The following FRMD4B variants were observed in gnomAD, a reference collection of about 807,000 sequenced individuals.
FRMD4B encodes the protein FERM domain containing 4B, also known as FERM domain-containing protein 4B.
In FRMD4B, 74 loss-of-function variants were observed where a neutral mutation model predicts 141.5. The observed-to-expected ratio is 0.52, with a 90% CI of 0.43 to 0.63. The LOEUF (loss-of-function observed/expected upper bound fraction) is 0.63, where lower values mean the gene tolerates loss of function less well. Among genes scored for constraint, FRMD4B ranks in the 30% least tolerant of loss-of-function variants. The pLI is 0.00. For synonymous variants in FRMD4B, 506 were observed against 467.9 expected (o/e 1.08, Z -1.05); for missense variants, 1,366 against 1,253.4 (o/e 1.09, Z -1.36).
intron 2 of FRMD4B, among the ~76,000 whole-genome samples, chr3:69,418,999 A>G (rs1704923723): frequency 6.6e-6 from 1 of 152,196 alleles, no homozygotes; most frequent in Non-Finnish European, 1.5e-5. Flanking sequence ...AAGCACAGAT[A>G]ACCAAAATGA....
intron 5 of FRMD4B, among the ~76,000 whole-genome samples, chr3:69,267,622 TATATATATATATATAGAGAGAG>T (rs2093571528): frequency 3.1e-3 from 75 of 24,272 alleles, no homozygotes; most frequent in Non-Finnish European, 5.0e-3. Context: ...TATATATATA[TATATATATATATATAGAGAGAG>T]AGAGAGAGAG....
chr3:69,195,217 A>C lies in FRMD4B; in HGVS notation c.1368+14T>G, dbSNP rs1268642717. On this transcript the variant is annotated intron_variant, in intron 15 of 22. Coordinates refer to ENST00000398540, the MANE Select transcript of FRMD4B (RefSeq NM_015123.3). Reference sequence around the variant, plus strand: ...GTCAAACACAACTTGATGAGCCCCAAAAAGCAGACTCACAGCCTCCCGCAG... The same window carrying C: ...GTCAAACACAACTTGATGAGCCCCACAAAGCAGACTCACAGCCTCCCGCAG... The C allele has an allele frequency of 6.2e-7, 1 of 1,612,890 alleles. No individual in the cohort carries two copies. The highest frequency in any genetic ancestry group is 8.5e-7 in the Non-Finnish European group (1 of 1,179,600).
intron 1 of FRMD4B, among the ~76,000 whole-genome samples, chr3:69,505,673 A>C (rs1009267573): frequency 6.6e-6 from 1 of 152,224 alleles, no homozygotes; most frequent in Non-Finnish European, 1.5e-5. Flanking sequence ...CATTAGGCTC[A>C]TAATCTTATT....
intron 1 of FRMD4B, among the ~76,000 whole-genome samples, chr3:69,465,496 T>G (rs548606379): frequency 6.6e-6 from 1 of 152,178 alleles, no homozygotes; most frequent in East Asian, 1.9e-4. Flanking sequence ...ACCCATCGAC[T>G]CATCATTTAC....
At chr3:69,266,927 C>T (rs568131219) in intron 5 of FRMD4B, among the ~76,000 whole-genome samples, 3 of 152,334 alleles carry the variant, frequency 2.0e-5, no homozygotes, top group Admixed American at 1.3e-4. Flanking sequence ...GACAGACTAA[C>T]ATTGCATACC....
Position 69,181,286 on chromosome 3 carries a change from C to G in FRMD4B, c.2464G>C (p.Gly822Arg). Residue 822 changes from glycine (G) to arginine (R), a missense_variant, in exon 21 of 23, where the codon GGT becomes CGT. Coordinates refer to ENST00000398540, the MANE Select transcript of FRMD4B (RefSeq NM_015123.3). ...YAECDFYYSG[G>R]YVYENDTEGQ... ...TCGGTGTCATTCTCATAGACATAAC[C>G]ACCACTGTAATAAAAGTCACACTCT... The G allele has an allele frequency of 6.2e-7, 1 of 1,613,808 alleles. No individual in the cohort carries two copies. The highest frequency in any genetic ancestry group is 8.5e-7 in the Non-Finnish European group (1 of 1,179,788).
Position 69,311,290 on chromosome 3 carries a change from T to C in FRMD4B, c.296A>G (p.Tyr99Cys), listed in dbSNP as rs1218873827. Residue 99 changes from tyrosine (Y) to cysteine (C), a missense_variant, in exon 3 of 23, where the codon TAT becomes TGT. Tyr to Cys is a radical substitution (Grantham distance 194, BLOSUM62 -2). Transcript: ENST00000398540. ...ASHFNLKEKEYFGITFIDDTG... is the reference protein window; with the variant it reads ...ASHFNLKEKECFGITFIDDTG... ...GTCATCTATGAATGTTATTCCAAAA[T>C]ACTCCTTTTCTTTCAGGTTGAAATG... 5 of 1,572,634 alleles carry C rather than the reference T, an allele frequency of 3.2e-6. No individual in the cohort carries two copies. In the Admixed American group the frequency reaches 5.0e-5, roughly 16 times the overall value.
intron 2 of FRMD4B, among the ~76,000 whole-genome samples, chr3:69,402,969 C>T (rs1022202864): frequency 1.3e-5 from 2 of 152,166 alleles, no homozygotes; most frequent in Non-Finnish European, 2.9e-5. Context: ...ATTAATCATT[C>T]AAACACAGAA....
chr3:69,368,267 C>T (rs1261162307), intron 1 of FRMD4B, among the ~76,000 whole-genome samples: 2 of 152,138 alleles, frequency 1.3e-5, no homozygotes, highest in African/African-American at 4.8e-5. Flanking sequence ...CAGTAAAGGA[C>T]GTGGGCCAGC....
At chr3:69,463,346 C>T (rs1429753412) in intron 1 of FRMD4B, among the ~76,000 whole-genome samples, 1 of 152,238 alleles carries the variant, frequency 6.6e-6, no homozygotes, top group South Asian at 2.1e-4. Flanking sequence ...GAGGACTTAC[C>T]TCTAACTTGG....
chr3:69,532,916 G>A (rs185526851), intron 1 of FRMD4B, among the ~76,000 whole-genome samples: 1 of 152,328 alleles, frequency 6.6e-6, no homozygotes, highest in African/African-American at 2.4e-5. Context: ...TTTTGAATCA[G>A]GAGGGGCTGT....
intron 1 of FRMD4B, among the ~76,000 whole-genome samples, chr3:69,369,724 A>G (rs2100074467): frequency 6.6e-6 from 1 of 151,474 alleles, no homozygotes; most frequent in Admixed American, 6.6e-5. Context: ...TAAGGAAGAA[A>G]TAGCTTCATA....
intron 5 of FRMD4B, among the ~76,000 whole-genome samples, chr3:69,252,731 G>C (rs78687212): frequency 6.6e-6 from 1 of 152,134 alleles, no homozygotes; most frequent in Admixed American, 6.6e-5. Context: ...TGGAAGTGCC[G>C]TCTGCCCAGG....
At chr3:69,478,114 G>A (rs2106969944) in intron 1 of FRMD4B, among the ~76,000 whole-genome samples, 1 of 152,000 alleles carries the variant, frequency 6.6e-6, no homozygotes, top group Middle Eastern at 3.4e-3. Context: ...TATTAGTCTT[G>A]CTAGCAGTCT....
intron 1 of FRMD4B, among the ~76,000 whole-genome samples, chr3:69,529,058 G>A (rs1379747123): frequency 2.6e-5 from 4 of 152,148 alleles, no homozygotes; most frequent in Non-Finnish European, 4.4e-5. Flanking sequence ...GCAGCGGGAA[G>A]TGAAGCTGGT....
chr3:69,438,603 C>G (rs567311666), intron 1 of FRMD4B, among the ~76,000 whole-genome samples: 201 of 152,204 alleles, frequency 1.3e-3, no homozygotes, highest in Non-Finnish European at 2.6e-3. Context: ...GCAGAGGATG[C>G]TACAAGGGGA....
At chr3:69,434,223 G>T (rs561754703) in intron 1 of FRMD4B, among the ~76,000 whole-genome samples, 1 of 152,258 alleles carries the variant, frequency 6.6e-6, no homozygotes, top group East Asian at 1.9e-4. Context: ...GATCACAAAG[G>T]CAGAAAAAAG....
chr3:69,172,643 T>C (rs535329789), intron 22 of FRMD4B, among the ~76,000 whole-genome samples: 1 of 152,336 alleles, frequency 6.6e-6, no homozygotes, highest in African/African-American at 2.4e-5. Context: ...TAGGGACATA[T>C]ATGATATCCC....
chr3:69,267,055 A>G (rs2093565659), intron 5 of FRMD4B, among the ~76,000 whole-genome samples: 1 of 152,214 alleles, frequency 6.6e-6, no homozygotes, highest in Non-Finnish European at 1.5e-5. Flanking sequence ...GAGAACTAAT[A>G]AAGAATACAG....
Sources: allele counts gnomAD v4.1 joint callset (sites outside exome capture counted in the v4.1 genomes callset), GRCh38; gene constraint gnomAD v4.1.1; transcripts MANE v1.5; gene names NCBI Gene and HGNC (gene_info 2026-07-23, HGNC 2026-07-21).